The following TMEM74 variants were observed in gnomAD, a reference collection of about 807,000 sequenced individuals.
TMEM74 encodes the protein transmembrane protein 74.
TMEM74 carries 13 observed loss-of-function variants against 18.1 expected under a neutral mutation model. That is an observed-to-expected ratio of 0.72 (90% CI 0.47 to 1.14). The LOEUF is 1.14. TMEM74 is among the 50% of genes most tolerant of loss of function. TMEM74 has a pLI of 0.00. For synonymous variants in TMEM74, 159 were observed against 146.6 expected, an observed-to-expected ratio of 1.08 and a Z score of -0.61; for missense variants, 372 against 375.9, an observed-to-expected ratio of 0.99 and a Z score of 0.09.
intron 1 of TMEM74, among the ~76,000 whole-genome samples, chr8:108,697,679 C>G (rs748546796): frequency 1.3e-4 from 20 of 152,188 alleles, no homozygotes; most frequent in African/African-American, 7.2e-5. Context: ...GCTGGGATTG[C>G]AGACATGAGC....
At chr8:108,621,492 T>C (rs997227213) in intron 2 of TMEM74, among the ~76,000 whole-genome samples, 1 of 152,266 alleles carries the variant, frequency 6.6e-6, no homozygotes, top group Middle Eastern at 3.4e-3. Flanking sequence ...GCCCATTTTT[T>C]TGTGTGAATT....
At chr8:108,694,121 A>T (rs1813258032) in intron 1 of TMEM74, among the ~76,000 whole-genome samples, 1 of 152,248 alleles carries the variant, frequency 6.6e-6, no homozygotes, top group Non-Finnish European at 1.5e-5. Context: ...AACAATATAC[A>T]TTGCACTCAT....
At chr8:108,706,776 G>GGTGTGTGTGTGTGTGT (rs3049749) in intron 1 of TMEM74, among the ~76,000 whole-genome samples, 140 of 144,972 alleles carry the variant, frequency 9.7e-4, no homozygotes, top group South Asian at 1.1e-3. Flanking sequence ...AATTACAAGG[G>GGTGTGTGTGTGTGTGT]GTGTGTGTGT....
chr8:108,765,807 C>T (rs559882014), intron 1 of TMEM74, among the ~76,000 whole-genome samples: 1 of 152,106 alleles, frequency 6.6e-6, no homozygotes, highest in East Asian at 1.9e-4. Flanking sequence ...ACATATTGTC[C>T]TAAATTATTA....
intron 1 of TMEM74, among the ~76,000 whole-genome samples, chr8:108,693,555 G>T (rs1023709001): frequency 2.0e-5 from 3 of 152,306 alleles, no homozygotes; most frequent in East Asian, 1.9e-4. Flanking sequence ...TACATTCCTT[G>T]TATACAAAAG....
At chr8:108,678,844 C>T (rs1221132672) in intron 1 of TMEM74, among the ~76,000 whole-genome samples, 3 of 150,054 alleles carry the variant, frequency 2.0e-5, no homozygotes, top group Non-Finnish European at 4.4e-5. Flanking sequence ...TGTGCTGCAC[C>T]CATTAACTCA....
At chr8:108,690,965 C>G (rs1460283502) in intron 1 of TMEM74, among the ~76,000 whole-genome samples, 1 of 152,140 alleles carries the variant, frequency 6.6e-6, no homozygotes, top group Non-Finnish European at 1.5e-5. Flanking sequence ...GGATAGAGAA[C>G]CAGGCATGGA....
At chr8:108,678,735 A>ATT (rs1813081528) in intron 1 of TMEM74, among the ~76,000 whole-genome samples, 1 of 149,458 alleles carries the variant, frequency 6.7e-6, no homozygotes, top group Non-Finnish European at 1.5e-5. Context: ...TAAAATTTAT[A>ATT]TATTTATTTA....
chr8:108,671,940 C>G lies in TMEM74; in HGVS notation n.120-16503G>C, dbSNP rs116737950. Among the ~76,000 whole-genome samples, 831 of 152,212 alleles carry G rather than the reference C, an allele frequency of 5.5e-3. 8 individuals carry two copies. Among genetic ancestry groups the G allele is most frequent in the African/African-American group, 0.018 (761 of 41,534 alleles). Reference sequence around the variant, plus strand: ...GATTAATCAATTGAAAACCTGCCTGCTTTTAGTATTATTCTGTATGGGGAG... The same window carrying G: ...GATTAATCAATTGAAAACCTGCCTGGTTTTAGTATTATTCTGTATGGGGAG... On this transcript the variant is annotated intron_variant and non_coding_transcript_variant, in intron 1 of 3. Coordinates refer to the TMEM74 transcript ENST00000518838.
At chr8:108,664,589 C>T (rs1368263875) in intron 1 of TMEM74, among the ~76,000 whole-genome samples, 5 of 152,004 alleles carry the variant, frequency 3.3e-5, no homozygotes, top group African/African-American at 4.8e-5. Context: ...AAACAGGGAA[C>T]GTTTAACTTT....
intron 2 of TMEM74, among the ~76,000 whole-genome samples, chr8:108,610,000 T>C (rs749761058): frequency 3.9e-5 from 6 of 152,180 alleles, no homozygotes; most frequent in Non-Finnish European, 7.4e-5. Context: ...GCCAAAAATA[T>C]TTCTGTCAGT....
chr8:108,695,872 C>G (rs543270973), intron 1 of TMEM74, among the ~76,000 whole-genome samples: 1 of 152,278 alleles, frequency 6.6e-6, no homozygotes, highest in African/African-American at 2.4e-5. Context: ...GGAAGCTCAG[C>G]ATCAGAAAAT....
At chr8:108,686,286 C>T (rs938323103) in intron 1 of TMEM74, among the ~76,000 whole-genome samples, 1 of 152,122 alleles carries the variant, frequency 6.6e-6, no homozygotes, top group Non-Finnish European at 1.5e-5. Context: ...GCAAGCTCCA[C>T]CTCCTGGGTT....
intron 1 of TMEM74, among the ~76,000 whole-genome samples, chr8:108,734,684 A>G (rs13279988): frequency 2.6e-5 from 4 of 152,180 alleles, no homozygotes; most frequent in Non-Finnish European, 5.9e-5. Flanking sequence ...AGAAGAAAAG[A>G]AAAATTTAAA....
At position 108,657,858 on chromosome 8, in the gene TMEM74, AAATATATATATATATATATATATATAT is replaced by A. The variant is rs1812854689; in HGVS notation, n.120-2448_120-2422del. Among the ~76,000 whole-genome samples the A allele has an allele frequency of 2.8e-5, 2 of 71,056 alleles. 1 individual carries two copies. The highest frequency in any genetic ancestry group is 1.1e-3 in the South Asian group (2 of 1,810). The allele number at this position is 71,056 out of a possible 152,430, so 46.6% of individuals were successfully genotyped here. On this transcript the variant is annotated intron_variant and non_coding_transcript_variant, in intron 1 of 3. Transcript: ENST00000518838. ...ACACCGTCTCAAAAAAAAAAAAAAA[AAATATATATATATATATATATATATAT>A]ATATATATATATATATATTAATTAC... is the stretch of plus-strand genomic sequence containing the variant.
chr8:108,646,996 C>T (rs1235003123), intron 2 of TMEM74, among the ~76,000 whole-genome samples: 1 of 152,126 alleles, frequency 6.6e-6, no homozygotes, highest in East Asian at 1.9e-4. Flanking sequence ...TACAGGCACA[C>T]CAAGTATCCA....
At chr8:108,785,177 G>A (rs768829121) in intron 1 of TMEM74, 40 bp from the exon 2 acceptor site, 8 of 1,453,436 alleles carry the variant, frequency 5.5e-6, no homozygotes, top group Non-Finnish European at 7.3e-6. Flanking sequence ...CCCAACAGAA[G>A]CTAAGGTTGT....
intron 1 of TMEM74, among the ~76,000 whole-genome samples, chr8:108,756,745 AAGGGAGGGAGGGAGGG>A (rs549009701): frequency 1.8e-5 from 2 of 111,352 alleles, no homozygotes; most frequent in Non-Finnish European, 3.7e-5. Flanking sequence ...AGAAAGAAAG[AAGGGAGGGAGGGAGGG>A]AGGGAGGGGA....
chr8:108,709,399 A>G (rs942803526), intron 1 of TMEM74, among the ~76,000 whole-genome samples: 1 of 152,202 alleles, frequency 6.6e-6, no homozygotes, highest in Non-Finnish European at 1.5e-5. Context: ...CCTAGGGGAC[A>G]TTATGCTAAG....
Sources: allele counts gnomAD v4.1 joint callset (sites outside exome capture counted in the v4.1 genomes callset), GRCh38; gene constraint gnomAD v4.1.1; transcripts MANE v1.5; gene names NCBI Gene and HGNC (gene_info 2026-07-23, HGNC 2026-07-21).